The following SAP130 variants were observed in gnomAD, a reference collection of about 807,000 sequenced individuals.
The protein encoded by SAP130 is histone deacetylase complex subunit SAP130.
In SAP130, 16 loss-of-function variants were observed where a neutral mutation model predicts 103.2. The ratio of observed to expected loss-of-function variants is 0.16; its 90% CI spans 0.10 to 0.24. SAP130 has a LOEUF of 0.24. SAP130 is among the 10% of genes least tolerant of loss of function. SAP130 has a pLI of 1.00. For synonymous variants in SAP130, 477 were observed against 497.0 expected (o/e 0.96, Z 0.53); for missense variants, 990 against 1,359.7 (o/e 0.73, Z 4.28).
At chr2:128,000,850 G>A (rs560297288) in intron 7 of SAP130, among the ~76,000 whole-genome samples, 13 of 152,222 alleles carry the variant, frequency 8.5e-5, no homozygotes, top group East Asian at 1.9e-4. Flanking sequence ...TACAGTGAGC[G>A]ATGACTGCCA....
chr2:128,025,208 GACTGGAT>G (rs1685423868), intron 2 of SAP130, among the ~76,000 whole-genome samples: 1 of 152,194 alleles, frequency 6.6e-6, no homozygotes, highest in African/African-American at 2.4e-5. Flanking sequence ...CTGCTGACTG[GACTGGAT>G]ACTTCTCTGT....
chr2:128,002,943 A>G (rs938867794), intron 7 of SAP130, among the ~76,000 whole-genome samples: 2 of 152,118 alleles, frequency 1.3e-5, no homozygotes, highest in African/African-American at 4.8e-5. Context: ...CGTAGGCAAC[A>G]TGGCGAAATT....
intron 14 of SAP130, among the ~76,000 whole-genome samples, chr2:127,982,421 C>A (rs1682016980): frequency 1.3e-5 from 2 of 152,120 alleles, no homozygotes; most frequent in African/African-American, 4.8e-5. Flanking sequence ...AGAGGCAGGA[C>A]ATGGGGTACT....
Position 127,996,132 on chromosome 2 carries a change from C to CA in SAP130, c.1355+217dup, listed in dbSNP as rs1451588561. Among the ~76,000 whole-genome samples the CA allele has an allele frequency of 6.6e-6, 1 of 151,788 alleles. No homozygotes were observed. Among genetic ancestry groups the CA allele is most frequent in the Non-Finnish European group, 1.5e-5 (1 of 67,966 alleles). On this transcript the variant is annotated intron_variant, in intron 11 of 20. Transcript: ENST00000643581. The surrounding 1 kb of genome is among the most constrained non-coding windows in gnomAD (Gnocchi z 4.3). ...CAAAAAATGTTAAACACACAAAACC[C>CA]AAAAAATGGATACTAGGAAAACATC...
intron 11 of SAP130, among the ~76,000 whole-genome samples, chr2:127,994,923 CT>C (rs1374949543): frequency 2.0e-5 from 3 of 152,202 alleles, no homozygotes; most frequent in Admixed American, 2.0e-4. Context: ...ACATTTAGAG[CT>C]AACAGGAGTA....
At position 127,941,797 on chromosome 2, in the gene SAP130, G is replaced by A; in HGVS notation, c.*209C>T. 4 of 558,434 alleles carry A rather than the reference G, an allele frequency of 7.2e-6. No homozygotes were observed. The highest frequency in any genetic ancestry group is 3.6e-5 in the Admixed American group (1 of 27,830). The allele number at this position is 558,434 out of a possible 1,614,324, so 34.6% of individuals were successfully genotyped here. ...GACACAGATCAGGTTTAACAGGGGT[G>A]CACCCGAACGCAAGAAGGCAGCTCA... On this transcript the variant is annotated 3_prime_UTR_variant, in exon 21 of 21. Coordinates refer to ENST00000643581, the MANE Select transcript of SAP130 (RefSeq NM_001330301.2).
Position 128,016,435 on chromosome 2 carries a change from A to G in SAP130, c.461T>C (p.Ile154Thr). The G allele has an allele frequency of 6.2e-7, 1 of 1,614,052 alleles. No homozygotes were observed. ...CACAGGAATGGCTGAAGCTTGAGGG[A>G]TGCTACTCTCCATGGTAACGGTAAC... ...GQVTVTMESS[I>T]PQASAIPVAT... Residue 154 changes from isoleucine (I) to threonine (T), a missense_variant, in exon 4 of 21, where the codon ATC becomes ACC. Transcript: ENST00000643581.
chr2:127,964,557 G>A (rs1390287608), intron 15 of SAP130, among the ~76,000 whole-genome samples: 1 of 141,142 alleles, frequency 7.1e-6, no homozygotes, highest in African/African-American at 2.6e-5. Context: ...TTATACAGCA[G>A]AATCAGTGGG....
chr2:127,979,678 G>T (rs1049117340), intron 14 of SAP130, among the ~76,000 whole-genome samples: 1 of 152,086 alleles, frequency 6.6e-6, no homozygotes, highest in African/African-American at 2.4e-5. Context: ...GGGGTTATTG[G>T]TTTTTTAATG....
Position 127,986,958 on chromosome 2 carries a change from CACT to C in SAP130, c.1782_1784del (p.Val596del). On this transcript the variant is annotated inframe_deletion and splice_region_variant, in exon 14 of 21. Transcript: ENST00000643581. This position sits in a 1 kb window ranked among gnomAD's most constrained non-coding sequence, Gnocchi z 4.7. The stretch of plus-strand genomic sequence containing the variant: ...CAATTGTGGCTCCATCTGCCAACAC[CACT>C]GCTACAGGAGAGAGGCAACAGGAAA... The C allele has an allele frequency of 1.2e-6, 2 of 1,611,962 alleles. No individual in the cohort carries two copies. Among genetic ancestry groups the C allele is most frequent in the Non-Finnish European group, 1.7e-6 (2 of 1,178,266 alleles).
In SAP130 at chr2:127,955,795, T is replaced by C. The variant is rs1679799400; in HGVS notation, c.2064-451A>G. 2.0e-5 allele frequency among the ~76,000 whole-genome samples: 3 copies of C among 152,210 alleles called. No homozygotes were observed. The highest frequency in any genetic ancestry group is 1.3e-4 in the Admixed American group (2 of 15,274). On this transcript the variant is annotated intron_variant, in intron 15 of 20. Transcript: ENST00000643581. This position sits in a 1 kb window ranked among gnomAD's most constrained non-coding sequence, Gnocchi z 4.9. ...GAGCCACCACACCCAGCTCTAATACTCTATTCCTTGACTTTAAAGTTTAAC... is the reference window on the plus strand; with the variant it reads ...GAGCCACCACACCCAGCTCTAATACCCTATTCCTTGACTTTAAAGTTTAAC...
chr2:127,946,189 T>G (rs1030091149), intron 18 of SAP130, among the ~76,000 whole-genome samples: 5 of 152,156 alleles, frequency 3.3e-5, no homozygotes, highest in Non-Finnish European at 7.4e-5. Context: ...AATTTCTTCC[T>G]GAAGGAAGTG....
intron 2 of SAP130, among the ~76,000 whole-genome samples, chr2:128,020,745 T>A (rs568824944): frequency 1.3e-5 from 2 of 152,278 alleles, no homozygotes; most frequent in South Asian, 2.1e-4. Flanking sequence ...ATGTCTATAA[T>A]CCCAGCACTT....
At chr2:127,978,189 T>G in intron 14 of SAP130, 100 bp from the exon 15 acceptor site, 1 of 819,332 alleles carries the variant, frequency 1.2e-6, no homozygotes. Context: ...TAGGACAAAA[T>G]AAAGCCCTAC....
rs1357363918 is a variant in SAP130, at chr2:127,996,956, G to A, written c.1214-465C>T. On this transcript the variant is annotated intron_variant, in intron 10 of 20. Transcript: ENST00000643581. The surrounding 1 kb of genome is among the most constrained non-coding windows in gnomAD (Gnocchi z 4.3). ...AACACACAATTTTGGATTAAAAAAC[G>A]GAAAAAACAAACAAACAAAAAACCT... Among the ~76,000 whole-genome samples the A allele has an allele frequency of 6.6e-6, 1 of 151,866 alleles. No homozygotes were observed. Among genetic ancestry groups the A allele is most frequent in the South Asian group, 2.1e-4 (1 of 4,818 alleles).
intron 7 of SAP130, among the ~76,000 whole-genome samples, chr2:128,007,915 G>GT (rs1402244805): frequency 1.3e-5 from 2 of 152,154 alleles, no homozygotes; most frequent in Non-Finnish European, 2.9e-5. Context: ...CAGCCACTTG[G>GT]TTGTTACACA....
chr2:128,011,666 G>T (rs72841727), intron 6 of SAP130, among the ~76,000 whole-genome samples: 11,597 of 152,202 alleles, frequency 0.076, 527 homozygotes, highest in Middle Eastern at 0.15. Flanking sequence ...TATTTATCTT[G>T]AAAGCTGTAG....
intron 13 of SAP130, among the ~76,000 whole-genome samples, chr2:127,988,742 C>T (rs1682574377): frequency 6.6e-6 from 1 of 151,946 alleles, no homozygotes; most frequent in Non-Finnish European, 1.5e-5. Context: ...CCCAGTTACT[C>T]AGGCGGCTGA....
At position 127,995,157 on chromosome 2, in the gene SAP130, T is replaced by C. The variant is rs370784665; in HGVS notation, c.1355+1193A>G. ...ACTCAAATGTTCTTAAAATATTATA[T>C]ACTTTCTACCTCTGCCTGCTCAAAG... On this transcript the variant is annotated intron_variant, in intron 11 of 20. Coordinates refer to ENST00000643581, the MANE Select transcript of SAP130 (RefSeq NM_001330301.2). Among the ~76,000 whole-genome samples, 20 of 152,316 alleles carry C rather than the reference T, an allele frequency of 1.3e-4. No homozygotes were observed. In the East Asian group the frequency reaches 1.7e-3, roughly 13 times the overall value.
Sources: gnomAD v4.1 joint callset for allele counts (sites outside exome capture counted in the v4.1 genomes callset) on GRCh38, gnomAD v4.1.1 for gene constraint, Gnocchi (gnomAD v3.1) non-coding constraint, MANE v1.5 for transcripts, NCBI Gene and HGNC (gene_info 2026-07-23, HGNC 2026-07-21) for gene names.